Variants in GALNT14 observed in about 807,000 individuals in gnomAD.
GALNT14 encodes UDP-GalNAc:polypeptide N-acetylgalactosaminyltransferase 14.
A neutral mutation model predicts 77.5 loss-of-function variants in GALNT14; 60 were observed. The ratio of observed to expected loss-of-function variants is 0.77; its 90% confidence interval spans 0.63 to 0.96. GALNT14 has a LOEUF of 0.96. Among genes scored for constraint, GALNT14 ranks in the 40% least tolerant of loss-of-function variants. The pLI is 0.00. For missense variants in GALNT14, 710 were observed against 731.0 expected (o/e 0.97, Z 0.33); for synonymous variants, 280 against 281.7 (o/e 0.99, Z 0.06).
Position 31,138,393 on chromosome 2 carries a change from TGCCGCC to T in GALNT14, c.-313_-308del, listed in dbSNP as rs547052626. Reference sequence around the variant, plus strand: ...ATGTTCCCCACGCCGCCACCGCGGCTGCCGCCGCCGCCGCCGCCGCCTTGCCCGCTG... The same window carrying T: ...ATGTTCCCCACGCCGCCACCGCGGCTGCCGCCGCCGCCGCCTTGCCCGCTG... On this transcript the variant is annotated 5_prime_UTR_variant, in exon 1 of 15. Transcript: ENST00000349752. 8 of 341,138 alleles carry T rather than the reference TGCCGCC, an allele frequency of 2.3e-5. No individual in the cohort carries two copies. The highest frequency in any genetic ancestry group is 5.2e-5 in the Admixed American group (1 of 19,366). 21.1% of individuals were successfully genotyped at this position (341,138 alleles called of 1,614,324 possible).
At chr2:31,051,245 C>T (rs567501344) in intron 1 of GALNT14, among the ~76,000 whole-genome samples, 1 of 152,246 alleles carries the variant, frequency 6.6e-6, no homozygotes, top group African/African-American at 2.4e-5. Context: ...ATGCATCCAC[C>T]GGGCTAGGCT....
At chr2:30,964,216 G>C (rs775006691) in intron 3 of GALNT14, among the ~76,000 whole-genome samples, 6 of 152,194 alleles carry the variant, frequency 3.9e-5, no homozygotes, top group African/African-American at 1.4e-4. Flanking sequence ...GGCATGCCCA[G>C]TCATGACCGG....
At chr2:30,922,997 G>T (rs1220854443) in intron 13 of GALNT14, among the ~76,000 whole-genome samples, 1 of 151,354 alleles carries the variant, frequency 6.6e-6, no homozygotes, top group Non-Finnish European at 1.5e-5. Flanking sequence ...ATGAATACCC[G>T]CCAGAAGGGT....
At position 30,985,458 on chromosome 2, in the gene GALNT14, C is replaced by T. The variant is rs557769901; in HGVS notation, c.299+7380G>A. Among the ~76,000 whole-genome samples the T allele has an allele frequency of 5.3e-5, 8 of 152,222 alleles. No homozygotes were observed. The East Asian group carries it at 9.7e-4, about 18-fold the overall frequency. ...CCTTGCTAACTCCTGTGCTTTGCTA[C>T]GTGGCCAAGACAAAAATAACTACAC... On this transcript the variant is annotated intron_variant, in intron 2 of 14. Transcript: ENST00000349752.
intron 1 of GALNT14, among the ~76,000 whole-genome samples, chr2:31,066,240 C>T (rs562783069): frequency 1.3e-5 from 2 of 152,198 alleles, no homozygotes; most frequent in African/African-American, 2.4e-5. Context: ...TAGGCCCCCC[C>T]AGAGGCCAGG....
intron 2 of GALNT14, among the ~76,000 whole-genome samples, chr2:30,989,560 TTATATATA>T (rs57594110): frequency 2.3e-5 from 2 of 87,108 alleles, no homozygotes; most frequent in South Asian, 7.6e-4. Flanking sequence ...GGTAAATACC[TTATATATA>T]TATATATATA....
chr2:31,050,937 T>A (rs1420804060), intron 1 of GALNT14, among the ~76,000 whole-genome samples: 1 of 151,410 alleles, frequency 6.6e-6, no homozygotes, highest in Non-Finnish European at 1.5e-5. Context: ...ATAACTAAAG[T>A]GGAAAGGGCA....
chr2:31,023,056 G>A (rs898181305), intron 1 of GALNT14, among the ~76,000 whole-genome samples: 3 of 152,178 alleles, frequency 2.0e-5, no homozygotes, highest in Admixed American at 6.5e-5. Context: ...ATTTGAGAGA[G>A]GCCTTGAAGA....
chr2:31,090,311 C>T (rs1676663885), intron 1 of GALNT14, among the ~76,000 whole-genome samples: 1 of 152,112 alleles, frequency 6.6e-6, no homozygotes, highest in Non-Finnish European at 1.5e-5. Flanking sequence ...ACTCAGAGCT[C>T]CCTGGGACTG....
chr2:31,057,368 GTGTGTGTATATA>G lies in GALNT14; in HGVS notation c.130-64373_130-64362del, dbSNP rs1256796608. Among the ~76,000 whole-genome samples, 107 of 84,662 alleles carry G rather than the reference GTGTGTGTATATA, an allele frequency of 1.3e-3. 2 individuals are homozygous for G. The highest frequency in any genetic ancestry group is 5.2e-3 in the African/African-American group (103 of 19,770). The allele number at this position is 84,662 out of a possible 152,430, so 55.5% of individuals were successfully genotyped here. The stretch of plus-strand genomic sequence containing the variant: ...TATATATGTGTGTGTGTGTGTGTGT[GTGTGTGTATATA>G]TATATATATATATACACAGCTGTTG... On this transcript the variant is annotated intron_variant, in intron 1 of 14. Transcript: ENST00000349752.
At chr2:31,041,647 A>G (rs538822793) in intron 1 of GALNT14, among the ~76,000 whole-genome samples, 1 of 152,286 alleles carries the variant, frequency 6.6e-6, no homozygotes, top group East Asian at 1.9e-4. Context: ...ATTGTGAACT[A>G]TAGGCAAGAT....
chr2:31,087,290 T>A (rs1676478129), intron 1 of GALNT14, among the ~76,000 whole-genome samples: 1 of 152,190 alleles, frequency 6.6e-6, no homozygotes, highest in Non-Finnish European at 1.5e-5. Flanking sequence ...TCTGGAAGTA[T>A]TAAGTTTAGG....
intron 1 of GALNT14, among the ~76,000 whole-genome samples, chr2:31,109,016 A>G (rs1677705038): frequency 6.6e-6 from 1 of 152,188 alleles, no homozygotes; most frequent in Non-Finnish European, 1.5e-5. Flanking sequence ...GATCAACTCA[A>G]AGGCTTCTAA....
rs548077787 is a variant in GALNT14, at chr2:30,924,000, G to T, written c.1380+119C>A. 85 of 1,132,854 alleles carry T rather than the reference G, an allele frequency of 7.5e-5. No individual in the cohort carries two copies. In the African/African-American group the frequency reaches 1.3e-3, roughly 17 times the overall value. The allele number at this position is 1,132,854 out of a possible 1,614,324, so 70.2% of individuals were successfully genotyped here. A position where few individuals can be genotyped will look rare whatever the true frequency, so the allele number is the denominator to read the frequency against. On this transcript the variant is annotated intron_variant, in intron 13 of 14. Transcript: ENST00000349752. ...ATCACACCTCTCATGCTCCACTACC[G>T]ATCTCTGGGAATAAATGGGCATCTG...
In GALNT14 at chr2:31,091,034, T is replaced by C. The variant is rs1676711451; in HGVS notation, c.129+46924A>G. ...TTCCTCTTTTATGAAGGACAATGCCTTCCTCCTTCAGCAGTGAAGGTATTT... is the reference window on the plus strand; with the variant it reads ...TTCCTCTTTTATGAAGGACAATGCCCTCCTCCTTCAGCAGTGAAGGTATTT... On this transcript the variant is annotated intron_variant, in intron 1 of 14. Coordinates refer to ENST00000349752, the MANE Select transcript of GALNT14 (RefSeq NM_024572.4). Among the ~76,000 whole-genome samples, 3 of 152,326 alleles carry C rather than the reference T, an allele frequency of 2.0e-5. No individual in the cohort carries two copies. In the South Asian group the frequency reaches 6.2e-4, roughly 32 times the overall value.
At chr2:30,960,731 C>T (rs74487884) in intron 3 of GALNT14, among the ~76,000 whole-genome samples, 1 of 152,198 alleles carries the variant, frequency 6.6e-6, no homozygotes, top group Admixed American at 6.5e-5. Context: ...CTCATGCACA[C>T]CCACTCTCAT....
intron 2 of GALNT14, among the ~76,000 whole-genome samples, chr2:30,987,271 G>A (rs1669357954): frequency 6.6e-6 from 1 of 152,130 alleles, no homozygotes; most frequent in Non-Finnish European, 1.5e-5. Flanking sequence ...AAGGGGTGAG[G>A]TGGGCATGGG....
intron 1 of GALNT14, among the ~76,000 whole-genome samples, chr2:31,060,701 A>G (rs1674537654): frequency 6.6e-6 from 1 of 152,162 alleles, no homozygotes. Flanking sequence ...TTTAAATTAA[A>G]CAGCTCTATC....
intron 1 of GALNT14, among the ~76,000 whole-genome samples, chr2:31,044,978 G>A (rs747991268): frequency 5.3e-5 from 8 of 151,970 alleles, no homozygotes; most frequent in Non-Finnish European, 1.2e-4. Flanking sequence ...AACCAGCTAC[G>A]TTCACAGGAA....
Sources: allele counts gnomAD v4.1 joint callset (sites outside exome capture counted in the v4.1 genomes callset), GRCh38; gene constraint gnomAD v4.1.1; transcripts MANE v1.5; gene names NCBI Gene and HGNC (gene_info 2026-07-23, HGNC 2026-07-21).